The following ZC3H12C variants were observed in gnomAD, a reference collection of about 807,000 sequenced individuals.
ZC3H12C encodes the protein zinc finger CCCH-type containing 12C.
A neutral mutation model predicts 76.3 loss-of-function variants in ZC3H12C; 20 were observed. That is an observed-to-expected ratio of 0.26 (90% CI 0.18 to 0.38). The LOEUF is 0.38. ZC3H12C is among the 10% of genes least tolerant of loss of function. The pLI is 1.00. For missense variants in ZC3H12C, 874 were observed against 1,086.5 expected, an observed-to-expected ratio of 0.80 and a Z score of 2.75; for synonymous variants, 352 against 399.6, an observed-to-expected ratio of 0.88 and a Z score of 1.42.
At chr11:110,138,108 A>G (rs967285507) in intron 2 of ZC3H12C, among the ~76,000 whole-genome samples, 1 of 151,862 alleles carries the variant, frequency 6.6e-6, no homozygotes, top group African/African-American at 2.4e-5. Context: ...ATATATATAT[A>G]TATTTAAAAT....
In ZC3H12C at chr11:110,136,778, A is replaced by ATG. The variant is rs1395767614; in HGVS notation, c.140_141dup (p.Glu48TrpfsTer8). 14 of 1,613,886 alleles carry ATG rather than the reference A, an allele frequency of 8.7e-6. No homozygotes were observed. Among genetic ancestry groups the ATG allele is most frequent in the Non-Finnish European group, 1.2e-5 (14 of 1,179,886 alleles). ...CTAGGGCATGACCTCGGCCACCTTT[A>ATG]TGTGGAGAGCACTGACCCACAGTTA... On this transcript the variant is annotated frameshift_variant, in exon 2 of 6. Transcript: ENST00000278590. LOFTEE classifies it high-confidence loss of function.
At chr11:110,128,779 A>G (rs893497738) in intron 1 of ZC3H12C, among the ~76,000 whole-genome samples, 2 of 151,444 alleles carry the variant, frequency 1.3e-5, no homozygotes, top group African/African-American at 2.4e-5. Flanking sequence ...TCTCAGTTTT[A>G]CCAGAAGAAT....
chr11:110,165,197 G>A lies in ZC3H12C; in HGVS notation c.2112G>A (p.Pro704=), dbSNP rs749508583. ...EPKFHHKPPL[P]HLALHLPHSA... is the part of the protein sequence containing the mutation. ...AGTTCCATCACAAGCCTCCTCTTCC[G>A]CACCTGGCTCTGCACCTGCCGCACT... The change falls in exon 6 of 6, where the codon CCG becomes CCA. Residue 704 remains proline (P), a synonymous_variant. Transcript: ENST00000278590. The A allele has an allele frequency of 2.5e-6, 4 of 1,613,640 alleles. No individual in the cohort carries two copies. The East Asian group carries it at 6.7e-5, about 27-fold the overall frequency.
intron 1 of ZC3H12C, among the ~76,000 whole-genome samples, chr11:110,097,543 G>A (rs1861135540): frequency 6.6e-6 from 1 of 152,196 alleles, no homozygotes; most frequent in Admixed American, 6.5e-5. Context: ...ATTGTTCTAA[G>A]TGCTGTACAT....
intron 1 of ZC3H12C, chr11:110,130,917 T>C: frequency 1.9e-6 from 2 of 1,044,104 alleles, no homozygotes; most frequent in Non-Finnish European, 2.7e-6. Context: ...GCCAACTAAT[T>C]GTGAGCTTTC....
intron 1 of ZC3H12C, chr11:110,131,175 A>C: frequency 1.7e-6 from 2 of 1,209,886 alleles, no homozygotes; most frequent in Non-Finnish European, 2.4e-6. Flanking sequence ...ATTAATTTGA[A>C]CTCTGTAAAA....
intron 1 of ZC3H12C, among the ~76,000 whole-genome samples, chr11:110,117,902 CACACAT>C (rs1355771206): frequency 0.021 from 2,523 of 122,858 alleles, 634 homozygotes; most frequent in Non-Finnish European, 0.033. Flanking sequence ...TATATACACA[CACACAT>C]ATATATTATA....
Position 110,164,754 on chromosome 11 carries a change from G to A in ZC3H12C, c.1669G>A (p.Gly557Arg). 1 of 1,613,894 alleles carries A rather than the reference G, an allele frequency of 6.2e-7. No individual in the cohort carries two copies. Among genetic ancestry groups the A allele is most frequent in the Non-Finnish European group, 8.5e-7 (1 of 1,179,856 alleles). ...CCCACCTCAGGATCAAAGACCACAG[G>A]GACAATATCCTTCAATGATGATGGC... ...HFPPQDQRPQ[G>R]QYPSMMMATK... is the part of the protein sequence containing the mutation. The change falls in exon 6 of 6, where the codon GGA (glycine) becomes AGA (arginine). Residue 557 changes from glycine (G) to arginine (R), a missense_variant. Around this residue, in one of 3 missense-constraint regions of ZC3H12C, gnomAD observed 395 missense variants for 434.4 expected, o/e 0.91. Transcript: ENST00000278590. This position sits in a 1 kb window ranked among gnomAD's most constrained non-coding sequence, Gnocchi z 5.7.
intron 2 of ZC3H12C, among the ~76,000 whole-genome samples, chr11:110,145,507 A>G (rs778972533): frequency 1.3e-5 from 2 of 151,852 alleles, no homozygotes; most frequent in Non-Finnish European, 2.9e-5. Context: ...AATTAACCCA[A>G]TCCAAAGCGT....
rs1862543543 is a variant in ZC3H12C at position 110,164,658 on chromosome 11, C to A, written c.1573C>A (p.Pro525Thr). 1 of 1,613,948 alleles carries A rather than the reference C, an allele frequency of 6.2e-7. No individual in the cohort carries two copies. Among genetic ancestry groups the A allele is most frequent in the Non-Finnish European group, 8.5e-7 (1 of 1,179,876 alleles). ...TRSVPSLVSI[P>T]ATSTAKPQST... ...GTCTGTACCTTCCTTAGTTAGCATC[C>A]CAGCTACTTCTACTGCAAAACCCCA... Residue 525 changes from proline (P) to threonine (T), a missense_variant, in exon 6 of 6, where the codon CCA becomes ACA. Pro to Thr is a conservative substitution (Grantham distance 38). This residue lies in a region of ZC3H12C where 269 missense variants were observed against 424.9 expected (regional missense o/e 0.63). Transcript: ENST00000278590. The surrounding 1 kb of genome is among the most constrained non-coding windows in gnomAD (Gnocchi z 5.7).
In ZC3H12C at chr11:110,166,773, G is replaced by T. The variant is rs1172499960; in HGVS notation, c.*1036G>T. ...TGCTATTTATCAAGGCTGGCCTGAG[G>T]TGGGTTTATGTGTTGAGGTTATGCA... On this transcript the variant is annotated 3_prime_UTR_variant, in exon 6 of 6. Transcript: ENST00000278590. 1 of 152,138 alleles carries T rather than the reference G, an allele frequency of 6.6e-6. No homozygotes were observed. The highest frequency in any genetic ancestry group is 2.4e-5 in the African/African-American group (1 of 41,428). 9.4% of individuals were successfully genotyped at this position (152,138 alleles called of 1,614,324 possible). A position where few individuals can be genotyped will look rare whatever the true frequency, so the allele number is the denominator to read the frequency against.
rs1488767360 is a variant in ZC3H12C, at chr11:110,152,968, G to A, written c.823G>A (p.Asp275Asn). 6.2e-7 allele frequency: 1 copy of A among 1,612,390 alleles called. No homozygotes were observed. Among genetic ancestry groups the A allele is most frequent in the East Asian group, 2.2e-5 (1 of 44,870 alleles). The change falls in exon 3 of 6, where the codon GAT (aspartate) becomes AAT (asparagine). Residue 275 changes from aspartate (D) to asparagine (N), a missense_variant. This residue lies in a region of ZC3H12C where 269 missense variants were observed against 424.9 expected (regional missense o/e 0.63). Transcript: ENST00000278590. ...CTGCAGAGGAATAAAATTGGCAGTG[G>A]ATTGGTTTTTGGAAAGAGGCCACAA... ...FSCRGIKLAV[D>N]WFLERGHKDI...
intron 1 of ZC3H12C, among the ~76,000 whole-genome samples, chr11:110,117,360 C>T (rs1057143332): frequency 1.3e-5 from 2 of 151,784 alleles, no homozygotes; most frequent in African/African-American, 4.8e-5. Context: ...TAATGTAATC[C>T]ACATTTCTAA....
intron 1 of ZC3H12C, among the ~76,000 whole-genome samples, chr11:110,109,662 A>G (rs1861393450): frequency 6.6e-6 from 1 of 152,062 alleles, no homozygotes; most frequent in Non-Finnish European, 1.5e-5. Flanking sequence ...AACACTTCCA[A>G]CTTAAATATT....
chr11:110,163,398 A>T lies in ZC3H12C; in HGVS notation c.1255+19A>T, dbSNP rs778303058. ...CCATATGGTAACTTGCTTTGTGAATATTGGGTATATGCCTTTAGAACACAA... is the reference window on the plus strand; with the variant it reads ...CCATATGGTAACTTGCTTTGTGAATTTTGGGTATATGCCTTTAGAACACAA... On this transcript the variant is annotated intron_variant, in intron 5 of 5. Transcript: ENST00000278590. The T allele has an allele frequency of 5.7e-6, 9 of 1,586,176 alleles. No individual in the cohort carries two copies. The highest frequency in any genetic ancestry group is 7.8e-6 in the Non-Finnish European group (9 of 1,159,568).
At chr11:110,128,783 G>A (rs1861803656) in intron 1 of ZC3H12C, among the ~76,000 whole-genome samples, 1 of 146,824 alleles carries the variant, frequency 6.8e-6, no homozygotes, top group Non-Finnish European at 1.5e-5. Context: ...AGTTTTACCA[G>A]AAGAATTACA....
At position 110,165,220 on chromosome 11, in the gene ZC3H12C, A is replaced by G. The variant is rs772743038; in HGVS notation, c.2135A>G (p.His712Arg). ...CCGCACCTGGCTCTGCACCTGCCGC[A>G]CTCCGCTGTGGGCGCCCGGTCCAGC... ...PLPHLALHLP[H>R]SAVGARSSCP... The change falls in exon 6 of 6, where the codon CAC becomes CGC. Residue 712 changes from histidine (H) to arginine (R), a missense_variant. Physicochemically the swap from His to Arg is conservative, Grantham distance 29. This residue lies in a region of ZC3H12C where 395 missense variants were observed against 434.4 expected (regional missense o/e 0.91). Coordinates refer to ENST00000278590, the MANE Select transcript of ZC3H12C (RefSeq NM_033390.2). 6 of 1,613,652 alleles carry G rather than the reference A, an allele frequency of 3.7e-6. No individual in the cohort carries two copies. The highest frequency in any genetic ancestry group is 4.2e-6 in the Non-Finnish European group (5 of 1,179,840).
chr11:110,095,029 T>C (rs1261563065), intron 1 of ZC3H12C, among the ~76,000 whole-genome samples: 3 of 152,204 alleles, frequency 2.0e-5, no homozygotes, highest in Non-Finnish European at 4.4e-5. Flanking sequence ...TTAGCCTTTA[T>C]TTAATAAGGG....
At chr11:110,094,673 T>C (rs1200748182) in intron 1 of ZC3H12C, among the ~76,000 whole-genome samples, 2 of 152,230 alleles carry the variant, frequency 1.3e-5, no homozygotes, top group Non-Finnish European at 2.9e-5. Flanking sequence ...GACTACATGA[T>C]AGCTTCATCA....
Sources: allele counts gnomAD v4.1 joint callset (sites outside exome capture counted in the v4.1 genomes callset), GRCh38; gene constraint gnomAD v4.1.1; regional missense constraint gnomAD v4.1.1; non-coding constraint Gnocchi (gnomAD v3.1); transcripts MANE v1.5; gene names NCBI Gene and HGNC (gene_info 2026-07-23, HGNC 2026-07-21).